The following ADGRF1 variants were observed in gnomAD, a reference collection of about 807,000 sequenced individuals.
ADGRF1 encodes the protein adhesion G protein-coupled receptor F1.
A neutral mutation model predicts 87.2 loss-of-function variants in ADGRF1; 85 were observed. The ratio of observed to expected loss-of-function variants is 0.97; its 90% CI spans 0.82 to 1.17. The LOEUF (loss-of-function observed/expected upper bound fraction) is 1.17. Among genes scored for constraint, ADGRF1 ranks in the 50% most tolerant of loss-of-function variants. The probability of loss-of-function intolerance (pLI) is 0.00; values close to 1 mark genes in which losing one functional copy is unlikely to be tolerated. For synonymous variants in ADGRF1, 430 were observed against 408.8 expected, an observed-to-expected ratio of 1.05 and a Z score of -0.63; for missense variants, 1,169 against 1,077.2, an observed-to-expected ratio of 1.09 and a Z score of -1.19.
chr6:47,020,502 CAA>C (rs748152209), intron 7 of ADGRF1: 2,358 of 1,224,186 alleles, frequency 1.9e-3, no homozygotes, highest in South Asian at 4.6e-3. Flanking sequence ...GACATTCTGT[CAA>C]AAAAAAAAAA....
chr6:47,013,514 C>T, intron 9 of ADGRF1: 4 of 985,490 alleles, frequency 4.1e-6, no homozygotes, highest in Non-Finnish European at 4.8e-6. Context: ...AATCTACTTG[C>T]TGAACAGTAT....
At chr6:47,007,614 TTA>T (rs1285924208) in intron 11 of ADGRF1, among the ~76,000 whole-genome samples, 10 of 152,372 alleles carry the variant, frequency 6.6e-5, no homozygotes, top group Admixed American at 2.0e-4. Context: ...TGTCTGTATC[TTA>T]GTCTTTCTTT....
intron 9 of ADGRF1, chr6:47,012,411 A>G (rs1779735752): frequency 1.2e-6 from 1 of 828,580 alleles, no homozygotes; most frequent in East Asian, 3.7e-5. Context: ...AATTCTTTCA[A>G]CATCCTTTGA....
chr6:47,009,510 A>G lies in ADGRF1; in HGVS notation c.1925T>C (p.Ile642Thr), dbSNP rs149889820. The change falls in exon 11 of 15, where the codon ATT becomes ACT. Residue 642 changes from isoleucine (I) to threonine (T), a missense_variant. Coordinates refer to ENST00000371253, the MANE Select transcript of ADGRF1 (RefSeq NM_153840.4). ...LSLLIADVWF[I>T]VGATVDTTVN... is the part of the protein sequence containing the mutation. ...CGTGGTGTCCACTGTGGCACCAACAATAAACCAGACATCAGCAATCAAGAG... is the reference window on the plus strand; with the variant it reads ...CGTGGTGTCCACTGTGGCACCAACAGTAAACCAGACATCAGCAATCAAGAG... The G allele has an allele frequency of 5.0e-5, 81 of 1,614,124 alleles. No homozygotes were observed. The African/African-American group carries it at 8.5e-4, about 17-fold the overall frequency.
intron 5 of ADGRF1, among the ~76,000 whole-genome samples, chr6:47,022,405 G>A (rs1027385188): frequency 5.9e-5 from 9 of 152,146 alleles, no homozygotes; most frequent in Admixed American, 1.3e-4. Context: ...AAAATTAAAC[G>A]ATGACCGTAA....
rs184435197 is a variant in ADGRF1, at chr6:47,006,820, C to T, written c.2532+433G>A. Among the ~76,000 whole-genome samples, 8 of 152,094 alleles carry T rather than the reference C, an allele frequency of 5.3e-5. No homozygotes were observed. In the East Asian group the frequency reaches 7.7e-4, roughly 15 times the overall value. On this transcript the variant is annotated intron_variant, in intron 12 of 14. Coordinates refer to ENST00000371253, the MANE Select transcript of ADGRF1 (RefSeq NM_153840.4). Reference sequence around the variant, plus strand: ...GAATTACTTCACTTAGAATAATAGTCTGTGAGAGGCTATTAACACTTACTG... The same window carrying T: ...GAATTACTTCACTTAGAATAATAGTTTGTGAGAGGCTATTAACACTTACTG...
chr6:47,006,887 A>G (rs150962246), intron 12 of ADGRF1, among the ~76,000 whole-genome samples: 124 of 152,352 alleles, frequency 8.1e-4, no homozygotes, highest in Non-Finnish European at 1.6e-3. Context: ...ATATTTCAGC[A>G]TATTCTAAAT....
chr6:47,000,342 T>A (rs756550374), intron 14 of ADGRF1, 47 bp from the exon 15 acceptor site: 53 of 1,422,154 alleles, frequency 3.7e-5, no homozygotes, highest in Admixed American at 2.1e-4. Flanking sequence ...TCTGTTGAAA[T>A]CAAGCATGAG....
chr6:47,034,925 A>G (rs1220734916), intron 1 of ADGRF1, among the ~76,000 whole-genome samples: 1 of 152,226 alleles, frequency 6.6e-6, no homozygotes, highest in Non-Finnish European at 1.5e-5. Flanking sequence ...TGGTGCCTTC[A>G]GCCTAGCACA....
intron 7 of ADGRF1, chr6:47,019,104 A>G (rs1420314862): frequency 2.4e-5 from 5 of 208,048 alleles, no homozygotes; most frequent in African/African-American, 1.2e-4. Flanking sequence ...AAAAGTAAAA[A>G]GTTGTAGTTT....
intron 8 of ADGRF1, among the ~76,000 whole-genome samples, chr6:47,015,760 T>G (rs1274562802): frequency 6.6e-6 from 1 of 151,560 alleles, no homozygotes; most frequent in East Asian, 1.9e-4. Flanking sequence ...GCTAATTTTT[T>G]TTTTTTTTTG....
chr6:47,007,191 C>A lies in ADGRF1; in HGVS notation c.2532+62G>T, dbSNP rs368867766. On this transcript the variant is annotated intron_variant, in intron 12 of 14. Coordinates refer to ENST00000371253, the MANE Select transcript of ADGRF1 (RefSeq NM_153840.4). ...TATTATATGAATAAAGGCCTCAGAA[C>A]AAAGGGGAGGGGGCCTAAGATGTCT... 8.8e-6 allele frequency: 9 copies of A among 1,018,574 alleles called. No individual in the cohort carries two copies. The South Asian group carries it at 1.2e-4, about 14-fold the overall frequency. The allele number at this position is 1,018,574 out of a possible 1,614,324, so 63.1% of individuals were successfully genotyped here.
intron 13 of ADGRF1, among the ~76,000 whole-genome samples, chr6:47,002,208 G>T (rs770870278): frequency 2.0e-5 from 3 of 152,002 alleles, no homozygotes; most frequent in Non-Finnish European, 4.4e-5. Flanking sequence ...ATGCCTTTGT[G>T]TGCCAGATGC....
chr6:47,036,285 T>C (rs1370280859), intron 1 of ADGRF1, among the ~76,000 whole-genome samples: 1 of 152,014 alleles, frequency 6.6e-6, no homozygotes, highest in Non-Finnish European at 1.5e-5. Flanking sequence ...ACTTATTGGG[T>C]ACTATGCTCA....
rs1028895073 is a variant in ADGRF1 at position 46,999,438 on chromosome 6, C to G, written c.*784G>C. On this transcript the variant is annotated 3_prime_UTR_variant, in exon 15 of 15. Coordinates refer to ENST00000371253, the MANE Select transcript of ADGRF1 (RefSeq NM_153840.4). ...TCTGGGAGACAAATGTCCTAAAAAT[C>G]CCCAATTTCCCTTAACTGGCTTCAC... 1 of 151,980 alleles carries G rather than the reference C, an allele frequency of 6.6e-6. No individual in the cohort carries two copies. Among genetic ancestry groups the G allele is most frequent in the African/African-American group, 2.4e-5 (1 of 41,422 alleles). The allele number at this position is 151,980 out of a possible 1,614,324, so 9.4% of individuals were successfully genotyped here. A position where few individuals can be genotyped will look rare whatever the true frequency, so the allele number is the denominator to read the frequency against.
At chr6:47,035,808 T>C (rs1780572008) in intron 1 of ADGRF1, among the ~76,000 whole-genome samples, 1 of 152,222 alleles carries the variant, frequency 6.6e-6, no homozygotes, top group African/African-American at 2.4e-5. Context: ...TTCCTGTTCC[T>C]GCATTAATTT....
At chr6:47,013,336 A>G in intron 9 of ADGRF1, 1 of 985,642 alleles carries the variant, frequency 1.0e-6, no homozygotes, top group Non-Finnish European at 1.2e-6. Flanking sequence ...GAGCAAGAAG[A>G]AACCCCAGAA....
chr6:47,013,224 C>T, intron 9 of ADGRF1: 1 of 985,518 alleles, frequency 1.0e-6, no homozygotes, highest in South Asian at 4.7e-5. Context: ...TCTTGTTCTT[C>T]TCAACTGACA....
chr6:47,021,869 A>G, intron 6 of ADGRF1, 89 bp downstream of exon 6: 1 of 711,398 alleles, frequency 1.4e-6, no homozygotes, highest in Non-Finnish European at 2.4e-6. Flanking sequence ...AATAATTAAG[A>G]ATATGTATTA....
Sources: allele counts gnomAD v4.1 joint callset (sites outside exome capture counted in the v4.1 genomes callset), GRCh38; gene constraint gnomAD v4.1.1; transcripts MANE v1.5; gene names NCBI Gene and HGNC (gene_info 2026-07-23, HGNC 2026-07-21).